HCN1: variants seen among roughly 807,000 people sequenced by gnomAD.
The protein encoded by HCN1 is potassium/sodium hyperpolarization-activated cyclic nucleotide-gated channel 1.
A neutral mutation model predicts 78.9 loss-of-function variants in HCN1; 13 were observed. That is an observed-to-expected ratio of 0.16 (90% CI 0.11 to 0.26). The LOEUF is 0.26. HCN1 is among the 10% of genes least tolerant of loss of function. The pLI is 1.00. For synonymous variants in HCN1, 552 were observed against 455.5 expected, an observed-to-expected ratio of 1.21 and a Z score of -2.70; for missense variants, 810 against 1,154.3, an observed-to-expected ratio of 0.70 and a Z score of 4.32.
intron 4 of HCN1, among the ~76,000 whole-genome samples, chr5:45,359,476 G>A (rs1004844359): frequency 6.6e-6 from 1 of 150,494 alleles, no homozygotes; most frequent in African/African-American, 2.4e-5. Context: ...ATAGTGTAGT[G>A]CCCACAGTAG....
intron 5 of HCN1, among the ~76,000 whole-genome samples, chr5:45,350,719 T>A (rs1170646245): frequency 1.3e-5 from 2 of 151,194 alleles, no homozygotes; most frequent in Admixed American, 1.3e-4. Context: ...CAAGCATTCT[T>A]ATACACCAAC....
chr5:45,696,098 G>A lies in HCN1; in HGVS notation c.-5C>T. ...GGGCTTGCCGCCTCCTTCCATGCCC[G>A]GAGGACGCGGCCGGCGACGGCGCGG... On this transcript the variant is annotated 5_prime_UTR_variant, in exon 1 of 8. Coordinates refer to ENST00000303230, the MANE Select transcript of HCN1 (RefSeq NM_021072.4). 5 of 1,334,858 alleles carry A rather than the reference G, an allele frequency of 3.7e-6. No homozygotes were observed. Among genetic ancestry groups the A allele is most frequent in the East Asian group, 3.9e-5 (1 of 25,406 alleles). 82.7% of individuals were successfully genotyped at this position (1,334,858 alleles called of 1,614,324 possible). A position where few individuals can be genotyped will look rare whatever the true frequency, so the allele number is the denominator to read the frequency against.
chr5:45,284,436 G>T (rs2111873942), intron 6 of HCN1, among the ~76,000 whole-genome samples: 1 of 152,128 alleles, frequency 6.6e-6, no homozygotes, highest in Middle Eastern at 3.4e-3. Context: ...AAAAATAAGA[G>T]GAAATAAAAC....
intron 2 of HCN1, among the ~76,000 whole-genome samples, chr5:45,563,864 A>C (rs750730670): frequency 2.6e-5 from 4 of 152,126 alleles, no homozygotes; most frequent in African/African-American, 7.2e-5. Context: ...AAAATATATA[A>C]GTCCACTTCC....
chr5:45,609,025 C>T (rs1744780813), intron 2 of HCN1, among the ~76,000 whole-genome samples: 2 of 151,950 alleles, frequency 1.3e-5, no homozygotes, highest in Non-Finnish European at 1.5e-5. Context: ...CAAACCAAAA[C>T]CTGATACTAT....
At chr5:45,663,620 AAAC>A (rs1309749798) in intron 1 of HCN1, among the ~76,000 whole-genome samples, 1 of 148,426 alleles carries the variant, frequency 6.7e-6, no homozygotes, top group Non-Finnish European at 1.5e-5. Context: ...AGAAAAAAAC[AAAC>A]AACCCCATCA....
At chr5:45,523,815 G>T (rs1345605950) in intron 2 of HCN1, among the ~76,000 whole-genome samples, 6 of 152,096 alleles carry the variant, frequency 3.9e-5, no homozygotes, top group Admixed American at 3.3e-4. Flanking sequence ...TAGGTTGCCT[G>T]TTCACTCTGA....
intron 3 of HCN1, among the ~76,000 whole-genome samples, chr5:45,432,401 T>G (rs1439760697): frequency 6.6e-6 from 1 of 152,096 alleles, no homozygotes; most frequent in African/African-American, 2.4e-5. Context: ...CTTCATCTCT[T>G]CCCATTTGGA....
chr5:45,315,172 C>T (rs1745954821), intron 5 of HCN1, among the ~76,000 whole-genome samples: 1 of 152,196 alleles, frequency 6.6e-6, no homozygotes, highest in Non-Finnish European at 1.5e-5. Context: ...AAGTAAAGCT[C>T]TCCTCAGCAA....
chr5:45,431,442 G>C (rs1236012224), intron 3 of HCN1, among the ~76,000 whole-genome samples: 1 of 151,996 alleles, frequency 6.6e-6, no homozygotes, highest in Non-Finnish European at 1.5e-5. Context: ...GCTTAATTAG[G>C]TTTCCGTTCT....
chr5:45,514,720 TC>T (rs1255935729), intron 2 of HCN1, among the ~76,000 whole-genome samples: 1 of 152,032 alleles, frequency 6.6e-6, no homozygotes, highest in South Asian at 2.1e-4. Flanking sequence ...GGAAACCTTT[TC>T]AATAAAGCCA....
At chr5:45,437,521 C>T (rs533786407) in intron 3 of HCN1, among the ~76,000 whole-genome samples, 137 of 152,224 alleles carry the variant, frequency 9.0e-4, no homozygotes, top group South Asian at 3.1e-3. Flanking sequence ...TAGTCTCATC[C>T]ATTCACATTC....
At chr5:45,367,113 T>C (rs1292791402) in intron 4 of HCN1, among the ~76,000 whole-genome samples, 3 of 151,758 alleles carry the variant, frequency 2.0e-5, no homozygotes, top group Non-Finnish European at 4.4e-5. Context: ...GAGATGTTAT[T>C]AGAAGAAAGT....
chr5:45,425,377 G>C (rs373731851), intron 3 of HCN1, among the ~76,000 whole-genome samples: 1 of 152,052 alleles, frequency 6.6e-6, no homozygotes, highest in Non-Finnish European at 1.5e-5. Context: ...TAAATCCTTT[G>C]ACATTAATTA....
At chr5:45,282,245 T>C (rs575872571) in intron 6 of HCN1, among the ~76,000 whole-genome samples, 13 of 152,298 alleles carry the variant, frequency 8.5e-5, no homozygotes, top group Admixed American at 3.3e-4. Flanking sequence ...TTGTGCTCCA[T>C]GTGTAAAAGA....
intron 6 of HCN1, among the ~76,000 whole-genome samples, chr5:45,271,678 T>C (rs1744964177): frequency 6.6e-6 from 1 of 152,148 alleles, no homozygotes. Context: ...ACATGACAGA[T>C]AGTAGGGGCT....
At chr5:45,580,939 G>T (rs928233496) in intron 2 of HCN1, among the ~76,000 whole-genome samples, 2 of 152,134 alleles carry the variant, frequency 1.3e-5, no homozygotes, top group Non-Finnish European at 2.9e-5. Context: ...GTCTATCATT[G>T]TTGGACATTT....
chr5:45,655,329 C>T (rs922745987), intron 1 of HCN1, among the ~76,000 whole-genome samples: 5 of 152,006 alleles, frequency 3.3e-5, no homozygotes, highest in Non-Finnish European at 5.9e-5. Flanking sequence ...CAAAGAGGTA[C>T]ACAACCTTGT....
At chr5:45,268,477 T>A (rs1232578004) in intron 6 of HCN1, among the ~76,000 whole-genome samples, 2 of 152,222 alleles carry the variant, frequency 1.3e-5, no homozygotes, top group African/African-American at 2.4e-5. Flanking sequence ...ATTAAATGTC[T>A]AAATTCACAC....
Sources: gnomAD v4.1 joint callset for allele counts (sites outside exome capture counted in the v4.1 genomes callset) on GRCh38, gnomAD v4.1.1 for gene constraint, MANE v1.5 for transcripts, NCBI Gene and HGNC (gene_info 2026-07-23, HGNC 2026-07-21) for gene names.